ZNF804B: variants seen among roughly 807,000 people sequenced by gnomAD.
The protein encoded by ZNF804B is zinc finger protein 804B.
ZNF804B carries 80 observed loss-of-function variants against 101.4 expected under a neutral mutation model. The ratio of observed to expected loss-of-function variants is 0.79; its 90% CI spans 0.66 to 0.95. The LOEUF (loss-of-function observed/expected upper bound fraction) is 0.95, where lower values mean the gene tolerates loss of function less well. Among genes scored for constraint, ZNF804B ranks in the 40% least tolerant of loss-of-function variants. The pLI, the probability that ZNF804B is intolerant of heterozygous loss-of-function variation, is 0.00. For synonymous variants in ZNF804B, 622 were observed against 558.8 expected, an observed-to-expected ratio of 1.11 and a Z score of -1.59; for missense variants, 1,673 against 1,561.9, an observed-to-expected ratio of 1.07 and a Z score of -1.20.
intron 1 of ZNF804B, among the ~76,000 whole-genome samples, chr7:89,089,333 A>G (rs1386802730): frequency 6.6e-6 from 1 of 151,392 alleles, no homozygotes; most frequent in African/African-American, 2.4e-5. Flanking sequence ...TGCTGTGCTC[A>G]GATACAGATG....
At chr7:89,104,406 GTTC>G (rs1291378582) in intron 1 of ZNF804B, among the ~76,000 whole-genome samples, 1 of 151,828 alleles carries the variant, frequency 6.6e-6, no homozygotes, top group Non-Finnish European at 1.5e-5. Flanking sequence ...CTGATTCAAT[GTTC>G]TTCTTCATTA....
chr7:89,081,534 C>T (rs958593826), intron 1 of ZNF804B, among the ~76,000 whole-genome samples: 1 of 151,676 alleles, frequency 6.6e-6, no homozygotes, highest in East Asian at 1.9e-4. Context: ...CAATACATGG[C>T]ACATATAACT....
At chr7:88,885,795 T>G (rs1026341824) in intron 1 of ZNF804B, among the ~76,000 whole-genome samples, 11 of 151,758 alleles carry the variant, frequency 7.2e-5, no homozygotes, top group African/African-American at 2.7e-4. Context: ...TGCGTCTGTT[T>G]AAACCTGCTG....
intron 1 of ZNF804B, among the ~76,000 whole-genome samples, chr7:88,810,690 A>C (rs1790771783): frequency 6.6e-6 from 1 of 152,064 alleles, no homozygotes; most frequent in African/African-American, 2.4e-5. Context: ...AGCATAAAAA[A>C]GTATTAAAGC....
chr7:89,212,117 G>A (rs1287123468), intron 1 of ZNF804B, among the ~76,000 whole-genome samples: 5 of 151,932 alleles, frequency 3.3e-5, no homozygotes, highest in Non-Finnish European at 7.4e-5. Flanking sequence ...TGCTAGCTTT[G>A]TATGAGATAG....
intron 1 of ZNF804B, among the ~76,000 whole-genome samples, chr7:89,031,158 T>A (rs1489487745): frequency 6.6e-6 from 1 of 151,188 alleles, no homozygotes; most frequent in Non-Finnish European, 1.5e-5. Flanking sequence ...ACCCTGCAAC[T>A]TAAAGTATAA....
intron 1 of ZNF804B, chr7:88,794,921 G>C (rs1162294504): frequency 2.5e-6 from 4 of 1,594,650 alleles, no homozygotes; most frequent in African/African-American, 1.4e-5. Context: ...CTGCCCTTCT[G>C]GTTATGGACC....
chr7:88,854,946 A>G (rs1426918940), intron 1 of ZNF804B, among the ~76,000 whole-genome samples: 2 of 151,602 alleles, frequency 1.3e-5, no homozygotes, highest in Non-Finnish European at 2.9e-5. Context: ...ATCATTTTTT[A>G]TGGCTGCATA....
intron 3 of ZNF804B, among the ~76,000 whole-genome samples, chr7:89,332,842 A>G (rs1032325802): frequency 6.6e-6 from 1 of 151,916 alleles, no homozygotes; most frequent in African/African-American, 2.4e-5. Context: ...CAAGTCATAA[A>G]GAAAGAACTT....
chr7:89,179,191 A>G (rs1270016341), intron 1 of ZNF804B, among the ~76,000 whole-genome samples: 2 of 152,134 alleles, frequency 1.3e-5, no homozygotes, highest in Non-Finnish European at 2.9e-5. Context: ...GTACTTGGAT[A>G]TTGATATCTT....
In ZNF804B at chr7:89,282,028, C is replaced by T. The variant is rs529930871; in HGVS notation, c.250-45316C>T. Among the ~76,000 whole-genome samples the T allele has an allele frequency of 7.3e-5, 11 of 151,624 alleles. No individual in the cohort carries two copies. In the South Asian group the frequency reaches 8.3e-4, roughly 12 times the overall value. ...CATCCCGGCTAAAACGGTGAAACCC[C>T]GTCTCTACTAAAAATACAAAAAATT... On this transcript the variant is annotated intron_variant, in intron 2 of 3. Coordinates refer to ENST00000333190, the MANE Select transcript of ZNF804B (RefSeq NM_181646.5).
intron 2 of ZNF804B, among the ~76,000 whole-genome samples, chr7:89,282,382 G>A (rs1481616413): frequency 6.6e-6 from 1 of 152,032 alleles, no homozygotes; most frequent in Non-Finnish European, 1.5e-5. Flanking sequence ...ACATGATTTG[G>A]ATGGAGGCCC....
chr7:89,054,032 A>G (rs75302903), intron 1 of ZNF804B, among the ~76,000 whole-genome samples: 2,974 of 152,024 alleles, frequency 0.02, 43 homozygotes, highest in South Asian at 0.032. Flanking sequence ...TCACAACTAT[A>G]GCTATGGTGC....
At chr7:88,813,113 T>G (rs577453393) in intron 1 of ZNF804B, among the ~76,000 whole-genome samples, 1 of 152,226 alleles carries the variant, frequency 6.6e-6, no homozygotes, top group South Asian at 2.1e-4. Flanking sequence ...AATTAAAAAA[T>G]AGTTTCCCAT....
chr7:88,984,131 C>T (rs974042983), intron 1 of ZNF804B, among the ~76,000 whole-genome samples: 10 of 152,040 alleles, frequency 6.6e-5, no homozygotes, highest in Non-Finnish European at 1.5e-4. Flanking sequence ...CATGCTTTTC[C>T]AGTTAACCAT....
chr7:88,871,819 T>G (rs1791827290), intron 1 of ZNF804B, among the ~76,000 whole-genome samples: 3 of 151,950 alleles, frequency 2.0e-5, no homozygotes, highest in Non-Finnish European at 4.4e-5. Flanking sequence ...AATACAAAAG[T>G]TAGCCGGGCG....
At chr7:89,146,388 A>T (rs903166993) in intron 1 of ZNF804B, among the ~76,000 whole-genome samples, 10 of 152,096 alleles carry the variant, frequency 6.6e-5, no homozygotes, top group African/African-American at 2.4e-4. Flanking sequence ...GAGTGAATGC[A>T]TTGAAATTAT....
intron 1 of ZNF804B, among the ~76,000 whole-genome samples, chr7:89,138,140 G>A (rs961317488): frequency 5.3e-5 from 8 of 152,142 alleles, no homozygotes; most frequent in African/African-American, 1.9e-4. Flanking sequence ...GAAGTTTGCT[G>A]TAGGGGCAGG....
At chr7:89,274,266 C>T (rs895187128) in intron 2 of ZNF804B, among the ~76,000 whole-genome samples, 24 of 143,202 alleles carry the variant, frequency 1.7e-4, no homozygotes, top group Admixed American at 7.0e-4. Context: ...CCCACTAACT[C>T]GTCATCTAGC....
Sources: gnomAD v4.1 joint callset for allele counts (sites outside exome capture counted in the v4.1 genomes callset) on GRCh38, gnomAD v4.1.1 for gene constraint, MANE v1.5 for transcripts, NCBI Gene and HGNC (gene_info 2026-07-23, HGNC 2026-07-21) for gene names.